The following TACC2 variants were observed in gnomAD, a reference collection of about 807,000 sequenced individuals.
TACC2 encodes the protein transforming acidic coiled-coil containing protein 2.
In TACC2, 137 loss-of-function variants were observed where a neutral mutation model predicts 227.3. The ratio of observed to expected loss-of-function variants is 0.60; its 90% CI spans 0.52 to 0.69. The LOEUF is 0.69. Among genes scored for constraint, TACC2 ranks in the 30% least tolerant of loss-of-function variants. The pLI is 0.00. For missense variants in TACC2, 3,470 were observed against 3,694.4 expected (o/e 0.94, Z 1.57); for synonymous variants, 1,523 against 1,487.5 (o/e 1.02, Z -0.55).
chr10:122,149,582 G>A (rs552323882), intron 7 of TACC2, among the ~76,000 whole-genome samples: 2 of 151,342 alleles, frequency 1.3e-5, no homozygotes, highest in Non-Finnish European at 2.9e-5. Flanking sequence ...TTTTTCCTGC[G>A]CAGGAGGGGA....
At chr10:122,223,421 A>G (rs1388177863) in intron 11 of TACC2, among the ~76,000 whole-genome samples, 1 of 152,192 alleles carries the variant, frequency 6.6e-6, no homozygotes, top group Admixed American at 6.5e-5. Flanking sequence ...CCTGGGGTTC[A>G]GGCTTGGTGT....
chr10:122,247,318 A>T (rs930532954), intron 19 of TACC2: 1 of 152,200 alleles, frequency 6.6e-6, no homozygotes, highest in Admixed American at 6.5e-5. Context: ...CCTCGGAGTC[A>T]TTCCAGGTGG....
chr10:122,137,343 TGTGGTG>T (rs2089867695), intron 6 of TACC2, among the ~76,000 whole-genome samples: 1 of 148,976 alleles, frequency 6.7e-6, no homozygotes, highest in African/African-American at 2.5e-5. Flanking sequence ...ATCAGCCGGT[TGTGGTG>T]GTGCGTGCCT....
rs374540503 is a variant in TACC2, at chr10:122,122,682, C to G, written c.5574-9927C>G. 5.3e-5 allele frequency among the ~76,000 whole-genome samples: 8 copies of G among 152,012 alleles called. No homozygotes were observed. The East Asian group carries it at 7.8e-4, about 15-fold the overall frequency. On this transcript the variant is annotated intron_variant, in intron 5 of 22. Transcript: ENST00000369005. ...GGCCCAGAGCATGCTGTGGGATTTCCTGGCTCCTGTGCTCTTGGACGCGGG... is the reference window on the plus strand; with the variant it reads ...GGCCCAGAGCATGCTGTGGGATTTCGTGGCTCCTGTGCTCTTGGACGCGGG...
intron 2 of TACC2, among the ~76,000 whole-genome samples, chr10:122,030,834 C>T (rs778011231): frequency 8.4e-4 from 128 of 152,002 alleles, no homozygotes; most frequent in Non-Finnish European, 1.5e-3. Context: ...GGACTCAGGG[C>T]TCTCCCAGGG....
At chr10:122,233,642 A>G (rs537359903) in intron 16 of TACC2, among the ~76,000 whole-genome samples, 8 of 152,152 alleles carry the variant, frequency 5.3e-5, no homozygotes, top group East Asian at 1.9e-4. Context: ...ATACACACAC[A>G]TTGAGCCGAG....
chr10:122,164,496 A>G (rs770099072), intron 7 of TACC2, among the ~76,000 whole-genome samples: 20 of 152,240 alleles, frequency 1.3e-4, no homozygotes, highest in Non-Finnish European at 2.8e-4. Context: ...ACACTCGAGG[A>G]CAAGGCCGCT....
At position 122,229,227 on chromosome 10, in the gene TACC2, C is replaced by T. The variant is rs970061038; in HGVS notation, c.7897-119C>T. 4 of 1,154,580 alleles carry T rather than the reference C, an allele frequency of 3.5e-6. No homozygotes were observed. The African/African-American group carries it at 4.6e-5, about 13-fold the overall frequency. 71.5% of individuals were successfully genotyped at this position (1,154,580 alleles called of 1,614,324 possible). A position where few individuals can be genotyped will look rare whatever the true frequency, so the allele number is the denominator to read the frequency against. The stretch of plus-strand genomic sequence containing the variant: ...CAAGTAATGGCAGCTAATTGATACT[C>T]TCTTTAGCCTCAAGGCAAAAATGTC... On this transcript the variant is annotated intron_variant, in intron 14 of 22. Coordinates refer to ENST00000369005, the MANE Select transcript of TACC2 (RefSeq NM_206862.4).
chr10:122,098,059 T>C (rs1460176467), intron 5 of TACC2, among the ~76,000 whole-genome samples: 1 of 152,064 alleles, frequency 6.6e-6, no homozygotes, highest in African/African-American at 2.4e-5. Context: ...GGTAGGTTGA[T>C]GTGGGGCAGG....
chr10:122,164,073 A>G, intron 7 of TACC2: 2 of 1,502,384 alleles, frequency 1.3e-6, no homozygotes, highest in Non-Finnish European at 1.8e-6. Flanking sequence ...CGCCTTTCCT[A>G]ATGCCTGTGC....
intron 3 of TACC2, among the ~76,000 whole-genome samples, chr10:122,058,084 C>A (rs2076388835): frequency 6.6e-6 from 1 of 152,220 alleles, no homozygotes; most frequent in Non-Finnish European, 1.5e-5. Context: ...GGTTCAGCAC[C>A]CTGAGTGCCT....
chr10:122,157,496 A>G (rs561567289), intron 7 of TACC2, among the ~76,000 whole-genome samples: 1 of 151,982 alleles, frequency 6.6e-6, no homozygotes, highest in Admixed American at 6.6e-5. Context: ...AAGTCACAAC[A>G]GAAGCTGCTC....
Position 122,227,841 on chromosome 10 carries a change from A to G in TACC2, c.7729A>G (p.Ser2577Gly). The G allele has an allele frequency of 1.9e-6, 3 of 1,607,616 alleles. No individual in the cohort carries two copies. Among genetic ancestry groups the G allele is most frequent in the Admixed American group, 1.7e-5 (1 of 58,968 alleles). ...GATGCCCTTTGCTTCCCCCAGGTCA[A>G]GTTTTGAAGAGACTGAAGCCCTTGT... ...SESPTPCSGS[S>G]FEETEALVNT... The change falls in exon 14 of 23, where the codon AGT (serine) becomes GGT (glycine). Residue 2577 changes from serine (S) to glycine (G), a missense_variant. This residue lies in a region of TACC2 where 345 missense variants were observed against 354.4 expected (regional missense o/e 0.97). Transcript: ENST00000369005.
chr10:122,087,540 C>A lies in TACC2; in HGVS notation c.5040C>A (p.Thr1680=), dbSNP rs138082360. 7.9e-4 allele frequency: 1,280 copies of A among 1,613,838 alleles called. 1 individual carries two copies. Among genetic ancestry groups the A allele is most frequent in the Non-Finnish European group, 1.0e-3 (1,207 of 1,180,042 alleles). The change falls in exon 4 of 23, where the codon ACC becomes ACA. Residue 1680 remains threonine (T), a synonymous_variant. Coordinates refer to ENST00000369005, the MANE Select transcript of TACC2 (RefSeq NM_206862.4). ...EMRNALGNQS[T]PAPPTGEVAD... Reference sequence around the variant, plus strand: ...GAAATGCCCTGGGCAACCAGAGCACCCCTGCACCACCAACTGGAGAAGTGG... The same window carrying A: ...GAAATGCCCTGGGCAACCAGAGCACACCTGCACCACCAACTGGAGAAGTGG...
At chr10:122,037,531 G>A (rs1960797823) in intron 2 of TACC2, among the ~76,000 whole-genome samples, 1 of 152,260 alleles carries the variant, frequency 6.6e-6, no homozygotes, top group African/African-American at 2.4e-5. Flanking sequence ...CCCCATAACC[G>A]GCCAATTGGA....
rs780412768 is a variant in TACC2, at chr10:122,085,613, G to C, written c.3113G>C (p.Gly1038Ala). The change falls in exon 4 of 23, where the codon GGA (glycine) becomes GCA (alanine). Residue 1038 changes from glycine to alanine, a missense_variant. Coordinates refer to ENST00000369005, the MANE Select transcript of TACC2 (RefSeq NM_206862.4). ...WGLSKREMAS[G>A]NTGEAPPCQP... is the part of the protein sequence containing the mutation. ...TTGAGTAAGAGGGAGATGGCAAGTG[G>C]AAACACAGGGGAGGCCCCACCTTGT... 1 of 1,613,376 alleles carries C rather than the reference G, an allele frequency of 6.2e-7. No individual in the cohort carries two copies. The highest frequency in any genetic ancestry group is 1.1e-5 in the South Asian group (1 of 91,084).
intron 11 of TACC2, among the ~76,000 whole-genome samples, chr10:122,220,028 A>C (rs1280603539): frequency 1.3e-5 from 2 of 149,408 alleles, no homozygotes; most frequent in Non-Finnish European, 3.0e-5. Flanking sequence ...ACAGAGTGAG[A>C]CTCTGTCTCC....
intron 3 of TACC2, among the ~76,000 whole-genome samples, chr10:122,082,328 C>A (rs1327098235): frequency 2.0e-5 from 3 of 152,118 alleles, no homozygotes; most frequent in Non-Finnish European, 4.4e-5. Context: ...ACAAACAAAA[C>A]CTTTTTGGGT....
At chr10:122,156,305 G>A (rs1453730271) in intron 7 of TACC2, among the ~76,000 whole-genome samples, 1 of 149,038 alleles carries the variant, frequency 6.7e-6, no homozygotes, top group Non-Finnish European at 1.5e-5. Flanking sequence ...CTCACTGCAA[G>A]CTCCGCTTCC....
Sources: allele counts gnomAD v4.1 joint callset (sites outside exome capture counted in the v4.1 genomes callset), GRCh38; gene constraint gnomAD v4.1.1; regional missense constraint gnomAD v4.1.1; transcripts MANE v1.5; gene names NCBI Gene and HGNC (gene_info 2026-07-23, HGNC 2026-07-21).